FHL1: variants seen among roughly 807,000 people sequenced by gnomAD.
FHL1 encodes the protein four and a half LIM domains 1.
In FHL1, 1 loss-of-function variant was observed where a neutral mutation model predicts 20.3. The observed-to-expected ratio is 0.05, with a 90% CI of 0.02 to 0.23. FHL1 has a LOEUF of 0.23. Among genes scored for constraint, FHL1 ranks in the 10% least tolerant of loss-of-function variants. The pLI is 1.00. For missense variants in FHL1, 177 were observed against 234.0 expected, an observed-to-expected ratio of 0.76 and a Z score of 1.59; for synonymous variants, 82 against 88.9, an observed-to-expected ratio of 0.92 and a Z score of 0.44.
At chrX:136,178,607 G>A (rs1336196221) in intron 2 of FHL1, among the ~76,000 whole-genome samples, 1 of 107,143 alleles carries the variant, frequency 9.3e-6, no homozygotes, top group Non-Finnish European at 1.9e-5. Context: ...AAAACAAACA[G>A]ACAAAACAAC....
chrX:136,192,052 A>G (rs2073441615), upstream of FHL1, among the ~76,000 whole-genome samples: 1 of 112,522 alleles, frequency 8.9e-6, no homozygotes, highest in African/African-American at 3.2e-5. Context: ...CTAAAATGTG[A>G]CAAAGATTTA....
intron 1 of FHL1, among the ~76,000 whole-genome samples, chrX:136,202,769 G>C (rs1296129136): frequency 8.9e-6 from 1 of 112,020 alleles, no homozygotes; most frequent in Non-Finnish European, 1.9e-5. Context: ...AAAAAAGAAA[G>C]AAAGAAAGAG....
At position 136,211,041 on chromosome X, in the gene FHL1, C is replaced by T. The variant is rs1252893519; in HGVS notation, c.*1016C>T. 5.3e-6 allele frequency: 2 copies of T among 374,575 alleles called. No homozygotes were observed. The highest frequency in any genetic ancestry group is 5.8e-5 in the East Asian group (1 of 17,342). The allele number at this position is 374,575 out of a possible 1,213,427, so 30.9% of individuals were successfully genotyped here. On this transcript the variant is annotated 3_prime_UTR_variant, in exon 6 of 6. Transcript: ENST00000370683. ...TCCCTTGTAACGTAGTAGTTGTCTG[C>T]TCTTTGTCCATGTGTTAATGAGGAC...
chrX:136,172,234 G>A (rs1429715200), intron 2 of FHL1, among the ~76,000 whole-genome samples: 13 of 112,012 alleles, frequency 1.2e-4, no homozygotes, highest in African/African-American at 4.2e-4. Flanking sequence ...GAAATATATA[G>A]GATTACACAA....
At chrX:136,170,574 CTGTCCT>C (rs1380037848) in intron 2 of FHL1, among the ~76,000 whole-genome samples, 1 of 111,586 alleles carries the variant, frequency 9.0e-6, no homozygotes, top group African/African-American at 3.3e-5. Flanking sequence ...TAAGCGTTCT[CTGTCCT>C]CTTCATTTAG....
At chrX:136,209,052 G>A in intron 5 of FHL1, 1 of 439,983 alleles carries the variant, frequency 2.3e-6, no homozygotes, top group Non-Finnish European at 3.9e-6. Flanking sequence ...GTTCAGAGAT[G>A]CCTGTTGGCA....
upstream of FHL1, chrX:136,147,012 G>A (rs190586548): frequency 6.8e-3 from 2,003 of 296,733 alleles, 10 homozygotes; most frequent in Non-Finnish European, 0.011. Context: ...GGAGTGCGCA[G>A]GTTAGCGAGG....
At chrX:136,198,148 G>T (rs1005206964) in intron 1 of FHL1, among the ~76,000 whole-genome samples, 11 of 101,450 alleles carry the variant, frequency 1.1e-4, no homozygotes, top group South Asian at 8.8e-4. Flanking sequence ...AAGTTGTCTG[G>T]TTTTTTTTTT....
chrX:136,195,284 G>A (rs895858073), upstream of FHL1, among the ~76,000 whole-genome samples: 5 of 112,302 alleles, frequency 4.5e-5, no homozygotes, highest in Non-Finnish European at 7.5e-5. Flanking sequence ...TGTTCACAGC[G>A]CTGCAAGAGA....
chrX:136,196,991 TC>T, upstream of FHL1: 1 of 1,032,886 alleles, frequency 9.7e-7, no homozygotes, highest in South Asian at 2.0e-5. Flanking sequence ...ACATCTGCTC[TC>T]GGTTATTTTT....
At chrX:136,160,326 G>C (rs964184380) in intron 1 of FHL1, among the ~76,000 whole-genome samples, 3 of 112,091 alleles carry the variant, frequency 2.7e-5, no homozygotes, top group African/African-American at 9.7e-5. Flanking sequence ...TCAGGTCTGT[G>C]ATAAGACCTG....
In FHL1 at chrX:136,209,858, T is replaced by TTTTC. The variant is rs766836412; in HGVS notation, c.737-10_737-9insCTTT. The TTTTC allele has an allele frequency of 9.1e-6, 11 of 1,205,353 alleles. No homozygotes were observed. The highest frequency in any genetic ancestry group is 1.8e-5 in the African/African-American group (1 of 56,518). ...CTCTTGTTTTCTTTTCTTTTCTTTT[T>TTTTC]TTTTCCCCCCAGGGTTTGGTAAAGG... On this transcript the variant is annotated splice_polypyrimidine_tract_variant and intron_variant, in intron 5 of 5. Coordinates refer to ENST00000370683, the MANE Select transcript of FHL1 (RefSeq NM_001159699.2).
In FHL1 at chrX:136,155,527, G is replaced by C. The variant is rs755644999; in HGVS notation, c.-101+7899G>C. On this transcript the variant is annotated intron_variant, in intron 1 of 7. Coordinates refer to the FHL1 transcript ENST00000394155. ...ATAATGAGTATGGATACCTATTGCC[G>C]AGGGCTTACTATTTGAACAAGTGAG... 4.5e-5 allele frequency among the ~76,000 whole-genome samples: 5 copies of C among 111,876 alleles called. No individual in the cohort carries two copies. In the South Asian group the frequency reaches 1.9e-3, roughly 42 times the overall value.
chrX:136,195,519 G>A (rs1360103468), upstream of FHL1, among the ~76,000 whole-genome samples: 2 of 112,505 alleles, frequency 1.8e-5, no homozygotes, highest in African/African-American at 3.2e-5. Flanking sequence ...CCAGAGCACA[G>A]TGTAGCTTCT....
At chrX:136,186,494 G>A (rs983839323) in intron 2 of FHL1, among the ~76,000 whole-genome samples, 5 of 111,021 alleles carry the variant, frequency 4.5e-5, no homozygotes, top group Middle Eastern at 4.6e-3. Context: ...TCTCTTTTGG[G>A]GGTTAGAAGA....
chrX:136,154,334 T>C (rs777181698), intron 1 of FHL1, among the ~76,000 whole-genome samples: 8 of 112,551 alleles, frequency 7.1e-5, no homozygotes, highest in South Asian at 3.7e-4. Context: ...GAATTTTTCA[T>C]GTTATTTGCT....
chrX:136,189,386 A>G (rs2073382278), intron 2 of FHL1, among the ~76,000 whole-genome samples: 1 of 111,443 alleles, frequency 9.0e-6, no homozygotes, highest in African/African-American at 3.3e-5. Flanking sequence ...AGTCCCTAGG[A>G]CTTTGAGTTT....
chrX:136,160,866 C>T (rs2072547221), intron 1 of FHL1, among the ~76,000 whole-genome samples: 1 of 111,059 alleles, frequency 9.0e-6, no homozygotes, highest in Non-Finnish European at 1.9e-5. Context: ...TAACCTCTCC[C>T]TCAAGTCCCA....
chrX:136,209,845 T>C, intron 5 of FHL1, 26 bp from the exon 6 acceptor site: 3 of 1,203,198 alleles, frequency 2.5e-6, no homozygotes, highest in Non-Finnish European at 2.2e-6. Flanking sequence ...CTTGTTTTCT[T>C]TTCTTTTCTT....
Sources: gnomAD v4.1 joint callset for allele counts (sites outside exome capture counted in the v4.1 genomes callset) on GRCh38, gnomAD v4.1.1 for gene constraint, MANE v1.5 for transcripts, NCBI Gene and HGNC (gene_info 2026-07-23, HGNC 2026-07-21) for gene names.